Variants in TTLL13 observed in about 807,000 individuals in gnomAD.
The protein encoded by TTLL13 is tubulin tyrosine ligase like 13.
chr15:90,264,655 G>T, the TTLL13 span: 1 of 1,503,232 alleles, frequency 6.7e-7, no homozygotes, highest in South Asian at 1.3e-5. Context: ...GGCCACAGTT[G>T]GGAAAGAGGT....
chr15:90,249,950 TA>T, the TTLL13 span: 3 of 143,650 alleles, frequency 2.1e-5, no homozygotes, highest in African/African-American at 8.8e-5. Flanking sequence ...TATTTTATTT[TA>T]TTTATTTATT....
At chr15:90,263,563 C>T in the TTLL13 span, 8 of 553,410 alleles carry the variant, frequency 1.4e-5, no homozygotes, top group Non-Finnish European at 1.6e-5. Context: ...GCCGCTTTCA[C>T]TATTCCCTGG....
chr15:90,263,287 T>C, the TTLL13 span: 1 of 721,460 alleles, frequency 1.4e-6, no homozygotes, highest in Non-Finnish European at 2.2e-6. Flanking sequence ...TAGCTGGACC[T>C]TGGGAGAGGG....
At chr15:90,264,196 ACTC>A in the TTLL13 span, 5 of 628,586 alleles carry the variant, frequency 8.0e-6, no homozygotes, top group East Asian at 1.4e-4. Flanking sequence ...CCATTTATTT[ACTC>A]CTTTTTTTTT....
chr15:90,250,303 A>C, the TTLL13 span, among the ~76,000 whole-genome samples: 2 of 152,176 alleles, frequency 1.3e-5, no homozygotes, highest in Admixed American at 1.3e-4. Context: ...TAGGAACAAA[A>C]GAGCCATGGT....
the TTLL13 span, chr15:90,262,375 C>T: frequency 7.4e-6 from 9 of 1,213,694 alleles, no homozygotes; most frequent in Admixed American, 2.4e-4. Context: ...TCATTGCTCT[C>T]GCATCAGTCC....
chr15:90,255,240 A>T, the TTLL13 span, among the ~76,000 whole-genome samples: 1 of 152,314 alleles, frequency 6.6e-6, no homozygotes, highest in Non-Finnish European at 1.5e-5. Context: ...GGCATCCCGG[A>T]TGCTGCCACC....
At chr15:90,265,039 A>G in the TTLL13 span, 2 of 1,452,730 alleles carry the variant, frequency 1.4e-6, no homozygotes, top group African/African-American at 2.8e-5. Context: ...AATCTTTGCT[A>G]AATGAATGAC....
chr15:90,250,573 G>A, the TTLL13 span: 5 of 1,559,166 alleles, frequency 3.2e-6, no homozygotes, highest in Non-Finnish European at 4.3e-6. Flanking sequence ...GCCTGAGGGA[G>A]GTCTGAGGTC....
chr15:90,253,315 G>T, the TTLL13 span: 1 of 1,613,644 alleles, frequency 6.2e-7, no homozygotes. Context: ...ACTCTGTACT[G>T]GACAGACTGC....
At chr15:90,258,223 G>C in the TTLL13 span, 3 of 1,614,202 alleles carry the variant, frequency 1.9e-6, no homozygotes, top group South Asian at 1.1e-5. Flanking sequence ...GAAATCCTTG[G>C]TTTTGACATC....
chr15:90,257,752 C>A, the TTLL13 span: 2 of 1,602,924 alleles, frequency 1.2e-6, no homozygotes, highest in Middle Eastern at 1.7e-4. Context: ...CTCCTGCTTC[C>A]TCTGCCCCTT....
the TTLL13 span, among the ~76,000 whole-genome samples, chr15:90,264,281 C>A: frequency 1.3e-5 from 2 of 152,146 alleles, no homozygotes; most frequent in Non-Finnish European, 2.9e-5. Flanking sequence ...AAACTCCACT[C>A]ACGGGCTCAA....
the TTLL13 span, chr15:90,265,352 A>T: frequency 2.0e-5 from 24 of 1,224,866 alleles, no homozygotes; most frequent in South Asian, 3.9e-4. Flanking sequence ...TCGCCGTCAG[A>T]AGACTGCCGA....
chr15:90,263,960 A>G, the TTLL13 span: 7 of 1,535,746 alleles, frequency 4.6e-6, no homozygotes, highest in East Asian at 1.5e-4. Context: ...AAGAACTTCA[A>G]CTGGACAGGA....
the TTLL13 span, chr15:90,264,133 C>G: frequency 2.2e-6 from 2 of 901,456 alleles, no homozygotes; most frequent in Non-Finnish European, 3.4e-6. Context: ...TTGGATGCCC[C>G]TAAAATATAA....
chr15:90,258,705 G>A, the TTLL13 span: 58 of 1,565,580 alleles, frequency 3.7e-5, no homozygotes, highest in African/African-American at 7.7e-4. Flanking sequence ...CTGCTCAGGT[G>A]GTCTGGGAAA....
At chr15:90,262,450 A>C in the TTLL13 span, 1 of 1,441,712 alleles carries the variant, frequency 6.9e-7, no homozygotes, top group Non-Finnish European at 9.1e-7. Flanking sequence ...TCTTCTCCCC[A>C]ACACCATTTC....
the TTLL13 span, chr15:90,258,337 CAG>C: frequency 5.9e-6 from 8 of 1,350,074 alleles, no homozygotes; most frequent in Admixed American, 1.7e-5. Context: ...ACACCTGGGA[CAG>C]GGGTACACTC....
Sources: gnomAD v4.1 joint callset for allele counts (sites outside exome capture counted in the v4.1 genomes callset) on GRCh38, gnomAD v4.1.1 for gene constraint, MANE v1.5 for transcripts, NCBI Gene and HGNC (gene_info 2026-07-23, HGNC 2026-07-21) for gene names.